The following EML5 variants were observed in gnomAD, a reference collection of about 807,000 sequenced individuals.
EML5 encodes EMAP like 5.
A neutral mutation model predicts 250.0 loss-of-function variants in EML5; 120 were observed. That is an observed-to-expected ratio of 0.48 (90% CI 0.41 to 0.56). The LOEUF (loss-of-function observed/expected upper bound fraction) is 0.56, where lower values mean the gene tolerates loss of function less well. Ranked by LOEUF, EML5 falls within the 20% of genes least tolerant of loss-of-function variation. The pLI is 0.00. For synonymous variants in EML5, 771 were observed against 806.5 expected, an observed-to-expected ratio of 0.96 and a Z score of 0.75; for missense variants, 2,006 against 2,437.6, an observed-to-expected ratio of 0.82 and a Z score of 3.73.
In EML5 at chr14:88,740,606, G is replaced by T. The variant is rs749116117; in HGVS notation, c.526-34C>A. On this transcript the variant is annotated intron_variant, in intron 4 of 43. Transcript: ENST00000554922. ...TATATAGTATAATCAAATTACCAAAGAATTCTTATAAAATAAAGTAAAACA... is the reference window on the plus strand; with the variant it reads ...TATATAGTATAATCAAATTACCAAATAATTCTTATAAAATAAAGTAAAACA... The T allele has an allele frequency of 6.1e-6, 9 of 1,480,878 alleles. No homozygotes were observed. The African/African-American group carries it at 9.8e-5, about 16-fold the overall frequency. The allele number at this position is 1,480,878 out of a possible 1,614,324, so 91.7% of individuals were successfully genotyped here.
chr14:88,638,834 G>A lies in EML5; in HGVS notation c.4311C>T (p.Ile1437=). 1 of 1,594,822 alleles carries A rather than the reference G, an allele frequency of 6.3e-7. No individual in the cohort carries two copies. The highest frequency in any genetic ancestry group is 8.5e-7 in the Non-Finnish European group (1 of 1,169,932). ...CTACTTGGCCAGTTGCCACTATGTTGATAAATTTGGGGTGCTGGTTTACTG... is the reference window on the plus strand; with the variant it reads ...CTACTTGGCCAGTTGCCACTATGTTAATAAATTTGGGGTGCTGGTTTACTG... ...CLTVNQHPKF[I]NIVATGQVGD... The change falls in exon 32 of 44, where the codon ATC becomes ATT. Residue 1437 remains isoleucine (I), a synonymous_variant. Transcript: ENST00000554922.
At chr14:88,716,247 T>C (rs1389603782) in intron 8 of EML5, among the ~76,000 whole-genome samples, 10 of 152,124 alleles carry the variant, frequency 6.6e-5, no homozygotes, top group African/African-American at 2.4e-4. Context: ...GAAATAGAAA[T>C]AGAAAAATGA....
At chr14:88,617,105 T>C (rs966790284) in intron 41 of EML5, 6 of 400,368 alleles carry the variant, frequency 1.5e-5, no homozygotes, top group Non-Finnish European at 2.2e-5. Context: ...TTAATCTTTT[T>C]AAGATTAAAG....
chr14:88,706,128 A>G, intron 11 of EML5, 131 bp downstream of exon 11: 1 of 846,940 alleles, frequency 1.2e-6, no homozygotes, highest in Non-Finnish European at 1.7e-6. Flanking sequence ...TTTTAACTTG[A>G]AATTTCTACT....
intron 7 of EML5, among the ~76,000 whole-genome samples, chr14:88,733,840 C>T (rs2093797891): frequency 6.6e-6 from 1 of 152,090 alleles, no homozygotes; most frequent in African/African-American, 2.4e-5. Flanking sequence ...AATATAACCA[C>T]TAATGTACTG....
intron 31 of EML5, among the ~76,000 whole-genome samples, chr14:88,641,311 G>C (rs1255853625): frequency 1.3e-5 from 2 of 151,870 alleles, no homozygotes; most frequent in Admixed American, 1.3e-4. Context: ...TTTGAAAAAA[G>C]AAAACTACAG....
chr14:88,677,864 C>T (rs1044271478), intron 21 of EML5, among the ~76,000 whole-genome samples: 3 of 152,192 alleles, frequency 2.0e-5, no homozygotes, highest in African/African-American at 7.2e-5. Context: ...TAAATTAGCT[C>T]AACCATTGTG....
chr14:88,633,944 TC>T, intron 33 of EML5, among the ~76,000 whole-genome samples: 1 of 152,218 alleles, frequency 6.6e-6, no homozygotes, highest in South Asian at 2.1e-4. Flanking sequence ...CAGATTGAGT[TC>T]AGAATCATGA....
At chr14:88,779,056 A>C (rs1052729869) in intron 1 of EML5, among the ~76,000 whole-genome samples, 16 of 152,220 alleles carry the variant, frequency 1.1e-4, no homozygotes, top group Non-Finnish European at 2.4e-4. Context: ...GCAAGCAACC[A>C]TCAATGTTCA....
In EML5 at chr14:88,763,536, C is replaced by G. The variant is rs370461834; in HGVS notation, c.198-8865G>C. 1.1e-4 allele frequency among the ~76,000 whole-genome samples: 17 copies of G among 152,090 alleles called. No homozygotes were observed. In the East Asian group the frequency reaches 1.7e-3, roughly 16 times the overall value. ...TAATAGCCTACCAACCAAAAAAAAG[C>G]CCAGGACCAGACAGATTCACAGCCG... On this transcript the variant is annotated intron_variant, in intron 1 of 43. Transcript: ENST00000554922.
At position 88,616,820 on chromosome 14, in the gene EML5, T is replaced by G. The variant is rs758082858; in HGVS notation, c.5702A>C (p.Asn1901Thr). 1.9e-6 allele frequency: 3 copies of G among 1,613,984 alleles called. No individual in the cohort carries two copies. The highest frequency in any genetic ancestry group is 2.5e-6 in the Non-Finnish European group (3 of 1,179,860). The change falls in exon 42 of 44, where the codon AAC becomes ACC. Residue 1901 changes from asparagine to threonine, a missense_variant. Asn to Thr is a moderately conservative substitution (Grantham distance 65). Coordinates refer to ENST00000554922, the MANE Select transcript of EML5 (RefSeq NM_183387.3). Reference protein sequence around the residue: ...WSRHAEKADVNCACVSHSGIS... With the variant: ...WSRHAEKADVTCACVSHSGIS... ...TCCTGAATGAGATACACAGGCACAG[T>G]TGACATCAGCTTTCTCAGCATGTCT...
At chr14:88,658,146 T>C in intron 26 of EML5, 41 bp downstream of exon 26, 1 of 1,597,382 alleles carries the variant, frequency 6.3e-7, no homozygotes. Flanking sequence ...TTGTGCTAAA[T>C]TTTCCCTATA....
In EML5 at chr14:88,702,487, G is replaced by C. The variant is rs752068592; in HGVS notation, c.2197C>G (p.Leu733Val). ...YLGHDDDILC[L>V]TIHPLKDYVA... ...TAGTCTTTCAAAGGATGAATAGTTAGGCAGAGAATATCATCATCATGACCC... is the reference window on the plus strand; with the variant it reads ...TAGTCTTTCAAAGGATGAATAGTTACGCAGAGAATATCATCATCATGACCC... The change falls in exon 14 of 44, where the codon CTA becomes GTA. Residue 733 changes from leucine (L) to valine (V), a missense_variant. By Grantham distance (32) the Leu-to-Val change is conservative (BLOSUM62 1). Transcript: ENST00000554922. The C allele has an allele frequency of 2.7e-5, 44 of 1,613,232 alleles. No homozygotes were observed. Among genetic ancestry groups the C allele is most frequent in the Non-Finnish European group, 1.0e-5 (12 of 1,179,604 alleles).
chr14:88,713,280 T>TG (rs1348822124), intron 9 of EML5, among the ~76,000 whole-genome samples: 1 of 151,828 alleles, frequency 6.6e-6, no homozygotes, highest in South Asian at 2.1e-4. Flanking sequence ...TAATCTCAGC[T>TG]ACTCGGGAGG....
At chr14:88,695,899 A>G (rs1340736656) in intron 15 of EML5, among the ~76,000 whole-genome samples, 1 of 152,126 alleles carries the variant, frequency 6.6e-6, no homozygotes, top group African/African-American at 2.4e-5. Flanking sequence ...TGCTGCCACT[A>G]ATATGACTAC....
At chr14:88,645,648 C>T (rs2091311784) in intron 29 of EML5, among the ~76,000 whole-genome samples, 2 of 152,174 alleles carry the variant, frequency 1.3e-5, no homozygotes, top group South Asian at 4.1e-4. Flanking sequence ...TTGCTGAAGT[C>T]CCTAGTACTG....
chr14:88,748,595 A>G (rs1468708311), intron 2 of EML5, among the ~76,000 whole-genome samples: 1 of 152,194 alleles, frequency 6.6e-6, no homozygotes, highest in Non-Finnish European at 1.5e-5. Context: ...GTATGTGAAG[A>G]AACAGGAAAA....
At chr14:88,665,861 T>C (rs998057848) in intron 21 of EML5, among the ~76,000 whole-genome samples, 1 of 151,936 alleles carries the variant, frequency 6.6e-6, no homozygotes, top group African/African-American at 2.4e-5. Flanking sequence ...TGAGCTATGA[T>C]TGCACCACTG....
At chr14:88,625,319 C>T (rs1321546858) in intron 35 of EML5, 192 bp from the exon 36 acceptor site, 1 of 562,624 alleles carries the variant, frequency 1.8e-6, no homozygotes, top group Non-Finnish European at 3.0e-6. Flanking sequence ...GGACCTTTTC[C>T]TTTCCAAGTC....
Sources: gnomAD v4.1 joint callset for allele counts (sites outside exome capture counted in the v4.1 genomes callset) on GRCh38, gnomAD v4.1.1 for gene constraint, MANE v1.5 for transcripts, NCBI Gene and HGNC (gene_info 2026-07-23, HGNC 2026-07-21) for gene names.